Variants in RYR3 observed in about 807,000 individuals in gnomAD.
RYR3 encodes the protein ryanodine receptor 3, also known as brain ryanodine receptor-calcium release channel.
In RYR3, 207 loss-of-function variants were observed where a neutral mutation model predicts 584.3. The ratio of observed to expected loss-of-function variants is 0.35; its 90% CI spans 0.32 to 0.40. The LOEUF (loss-of-function observed/expected upper bound fraction) is 0.40, where lower values mean the gene tolerates loss of function less well. Among genes scored for constraint, RYR3 ranks in the 10% least tolerant of loss-of-function variants. The probability of loss-of-function intolerance (pLI) is 1.00; values close to 1 mark genes in which losing one functional copy is unlikely to be tolerated. For missense variants in RYR3, 5,616 were observed against 6,089.2 expected (o/e 0.92, Z 2.59); for synonymous variants, 2,416 against 2,248.5 (o/e 1.07, Z -2.11).
At chr15:33,724,933 C>T (rs1211873490) in intron 45 of RYR3, among the ~76,000 whole-genome samples, 1 of 151,996 alleles carries the variant, frequency 6.6e-6, no homozygotes, top group Non-Finnish European at 1.5e-5. Context: ...TGGAAGGGAG[C>T]CCAGAAAACA....
At chr15:33,700,871 G>T (rs1204556080) in intron 41 of RYR3, 106 bp from the exon 42 acceptor site, 2 of 694,808 alleles carry the variant, frequency 2.9e-6, no homozygotes, top group African/African-American at 3.5e-5. Context: ...CCAGGTTTCA[G>T]TGTGTTTGCT....
At chr15:33,419,441 C>T (rs1035680496) in intron 1 of RYR3, among the ~76,000 whole-genome samples, 7 of 152,108 alleles carry the variant, frequency 4.6e-5, no homozygotes, top group East Asian at 1.9e-4. Context: ...ATCAGTCAGA[C>T]GTTAGACTCT....
At chr15:33,772,292 TA>T in intron 63 of RYR3, 134 bp downstream of exon 63, 1 of 570,920 alleles carries the variant, frequency 1.8e-6, no homozygotes, top group Non-Finnish European at 3.1e-6. Context: ...TTTCTTAGAT[TA>T]AAAAAGAAGA....
chr15:33,442,220 T>C (rs2046282805), intron 1 of RYR3, among the ~76,000 whole-genome samples: 1 of 152,194 alleles, frequency 6.6e-6, no homozygotes. Flanking sequence ...ATGTAATAAA[T>C]TACCTTTTTT....
chr15:33,758,402 C>G (rs2072073532), intron 60 of RYR3, among the ~76,000 whole-genome samples: 1 of 152,166 alleles, frequency 6.6e-6, no homozygotes, highest in South Asian at 2.1e-4. Context: ...GCTTGAAATT[C>G]TTGCTGCCAG....
rs192827522 is a variant in RYR3, at chr15:33,557,799, T to G, written c.973-5038T>G. On this transcript the variant is annotated intron_variant, in intron 10 of 103. Coordinates refer to ENST00000634891, the MANE Select transcript of RYR3 (RefSeq NM_001036.6). The stretch of plus-strand genomic sequence containing the variant: ...TATTAAACCAGTCGTAGCAATTTGA[T>G]CATCTCAGCCAAATACTAATATGAC... Among the ~76,000 whole-genome samples, 174 of 152,314 alleles carry G rather than the reference T, an allele frequency of 1.1e-3. 4 individuals are homozygous for G. The highest frequency in any genetic ancestry group is 9.7e-3 in the Admixed American group (149 of 15,298).
intron 63 of RYR3, among the ~76,000 whole-genome samples, chr15:33,773,328 A>T (rs1289503591): frequency 1.3e-5 from 2 of 152,190 alleles, no homozygotes; most frequent in Admixed American, 6.5e-5. Context: ...GGGATTGCTC[A>T]GTGGAGGATT....
intron 67 of RYR3, among the ~76,000 whole-genome samples, chr15:33,797,664 C>T (rs910193260): frequency 1.3e-5 from 2 of 152,182 alleles, no homozygotes; most frequent in Non-Finnish European, 2.9e-5. Context: ...TGAAAATCCT[C>T]TTCCTTCTCC....
chr15:33,649,229 A>G lies in RYR3; in HGVS notation c.4136A>G (p.His1379Arg). ...CTAGGGGATGAAAGAGGCCGGGTCC[A>G]TGAAAGGTAAGGGGGCTCCCAAGTG... Reference protein sequence around the residue: ...VTLGDERGRVHESVKRSNCYM... With the variant: ...VTLGDERGRVRESVKRSNCYM... Residue 1379 changes from histidine (H) to arginine (R), a missense_variant, in exon 31 of 104, where the codon CAT becomes CGT. Transcript: ENST00000634891. The G allele has an allele frequency of 1.2e-6, 2 of 1,611,986 alleles. No individual in the cohort carries two copies. Among genetic ancestry groups the G allele is most frequent in the Non-Finnish European group, 1.7e-6 (2 of 1,179,468 alleles).
At chr15:33,818,986 G>A (rs1217650594) in intron 76 of RYR3, among the ~76,000 whole-genome samples, 2 of 152,192 alleles carry the variant, frequency 1.3e-5, no homozygotes, top group East Asian at 3.9e-4. Context: ...AGCCGGGCAT[G>A]GTGGTGCACG....
At chr15:33,712,478 G>C (rs992518225) in intron 43 of RYR3, among the ~76,000 whole-genome samples, 2 of 152,156 alleles carry the variant, frequency 1.3e-5, no homozygotes, top group African/African-American at 4.8e-5. Flanking sequence ...AAGGTAATAA[G>C]CTTGGCTTGG....
At chr15:33,699,994 C>G (rs986819913) in intron 41 of RYR3, among the ~76,000 whole-genome samples, 161 bp downstream of exon 41, 5 of 152,210 alleles carry the variant, frequency 3.3e-5, no homozygotes, top group African/African-American at 1.2e-4. Context: ...AGTAACGATG[C>G]CACAAGAACG....
chr15:33,697,323 C>T (rs2065921532), intron 39 of RYR3, among the ~76,000 whole-genome samples: 1 of 152,186 alleles, frequency 6.6e-6, no homozygotes, highest in Non-Finnish European at 1.5e-5. Flanking sequence ...TAATTATTCT[C>T]TCCCCAGCCT....
chr15:33,592,380 T>C (rs531491799), intron 16 of RYR3, among the ~76,000 whole-genome samples: 2 of 152,316 alleles, frequency 1.3e-5, no homozygotes, highest in South Asian at 2.1e-4. Flanking sequence ...ATTTCTAGAA[T>C]GGTAGCACTA....
chr15:33,565,425 T>C (rs930075593), intron 11 of RYR3, among the ~76,000 whole-genome samples: 12 of 152,198 alleles, frequency 7.9e-5, no homozygotes, highest in African/African-American at 2.9e-4. Flanking sequence ...CAAAGTCTTG[T>C]TTCAAAAATG....
intron 2 of RYR3, among the ~76,000 whole-genome samples, chr15:33,474,315 G>T (rs74348990): frequency 0.23 from 34,226 of 152,054 alleles, 4,086 homozygotes; most frequent in Admixed American, 0.3. Flanking sequence ...GTATATAAGT[G>T]TATAGAGATT....
chr15:33,427,012 A>G (rs997358036), intron 1 of RYR3, among the ~76,000 whole-genome samples: 2 of 152,180 alleles, frequency 1.3e-5, no homozygotes, highest in Non-Finnish European at 2.9e-5. Flanking sequence ...CCTCCTCCAA[A>G]TGCCATCACA....
At chr15:33,806,450 C>G (rs1038074068) in intron 69 of RYR3, among the ~76,000 whole-genome samples, 1 of 149,680 alleles carries the variant, frequency 6.7e-6, no homozygotes, top group Non-Finnish European at 1.5e-5. Context: ...GCCGAGAGTT[C>G]AATACGAGCC....
chr15:33,439,507 A>T (rs528507303), intron 1 of RYR3, among the ~76,000 whole-genome samples: 1 of 152,166 alleles, frequency 6.6e-6, no homozygotes, highest in Non-Finnish European at 1.5e-5. Context: ...TTTAAAATTG[A>T]TGCTCATAAA....
Sources: gnomAD v4.1 joint callset for allele counts (sites outside exome capture counted in the v4.1 genomes callset) on GRCh38, gnomAD v4.1.1 for gene constraint, MANE v1.5 for transcripts, NCBI Gene and HGNC (gene_info 2026-07-23, HGNC 2026-07-21) for gene names.